Variants in OR2T10 observed in about 807,000 individuals in gnomAD.
The protein encoded by OR2T10 is olfactory receptor 2T10.
For missense variants in OR2T10, 335 were observed against 382.5 expected (o/e 0.88, Z 1.04); for synonymous variants, 125 against 141.8 (o/e 0.88, Z 0.84).
At chr1:248,596,365 T>C (rs1004680974) in intron 1 of OR2T10, among the ~76,000 whole-genome samples, 2 of 142,816 alleles carry the variant, frequency 1.4e-5, no homozygotes, top group African/African-American at 5.5e-5. Context: ...GTTGAACAGG[T>C]GGTTTACAAT....
At position 248,593,673 on chromosome 1, in the gene OR2T10, G is replaced by A. The variant is rs753606120; in HGVS notation, c.96C>T (p.Phe32=). 3.2e-6 allele frequency: 5 copies of A among 1,560,322 alleles called. No homozygotes were observed. In the African/African-American group the frequency reaches 4.6e-5, roughly 14 times the overall value. The change falls in exon 2 of 2, where the codon TTC becomes TTT. Residue 32 remains phenylalanine (F), a synonymous_variant. Transcript: ENST00000642090. The part of the protein sequence containing the change: ...SHPGRLCLLI[F]SIFLMAVSWN... ...AAGACACAGCCATCAAAAATATACT[G>A]AAGATAAGCAAGCAGAGGCGGCCAG...
In OR2T10 at chr1:248,592,005, T is replaced by A. The variant is rs1406905575; in HGVS notation, c.*825A>T. The A allele has an allele frequency of 2.1e-5, 3 of 144,180 alleles. No individual in the cohort carries two copies. The highest frequency in any genetic ancestry group is 4.5e-5 in the Non-Finnish European group (3 of 66,446). The allele number at this position is 144,180 out of a possible 1,614,324, so 8.9% of individuals were successfully genotyped here. ...AAAACTGTGATTTGAAATTATATTC[T>A]AAGTATGTGTCACCATTGGCTTGAA... On this transcript the variant is annotated 3_prime_UTR_variant, in exon 2 of 2. Coordinates refer to ENST00000642090, the MANE Select transcript of OR2T10 (RefSeq NM_001004693.2).
chr1:248,595,234 G>T (rs1306607795), intron 1 of OR2T10, among the ~76,000 whole-genome samples: 1 of 143,038 alleles, frequency 7.0e-6, no homozygotes, highest in East Asian at 2.0e-4. Flanking sequence ...TAAAGAAAAT[G>T]CATATCCTTT....
Position 248,596,480 on chromosome 1 carries a change from C to T in OR2T10, c.-29+1012G>A, listed in dbSNP as rs2103089615. Among the ~76,000 whole-genome samples the T allele has an allele frequency of 1.4e-5, 2 of 142,958 alleles. 1 individual carries two copies. The highest frequency in any genetic ancestry group is 5.5e-5 in the African/African-American group (2 of 36,224). 93.8% of individuals were successfully genotyped at this position (142,958 alleles called of 152,430 possible). A position where few individuals can be genotyped will look rare whatever the true frequency, so the allele number is the denominator to read the frequency against. ...AAAAGTGAGAGTGGATATTGCATTT[C>T]TTGGCCATGTAGTTCAAGCTACCGT... On this transcript the variant is annotated intron_variant, in intron 1 of 1. Coordinates refer to ENST00000642090, the MANE Select transcript of OR2T10 (RefSeq NM_001004693.2).
Position 248,592,607 on chromosome 1 carries a change from G to A in OR2T10, c.*223C>T. ...CTGTAATCTAAAAAAAGGACCATTGGCCCCGAAGGACTGGACTAGAGATCA... is the reference window on the plus strand; with the variant it reads ...CTGTAATCTAAAAAAAGGACCATTGACCCCGAAGGACTGGACTAGAGATCA... On this transcript the variant is annotated 3_prime_UTR_variant, in exon 2 of 2. Coordinates refer to ENST00000642090, the MANE Select transcript of OR2T10 (RefSeq NM_001004693.2). 2.6e-6 allele frequency: 1 copy of A among 384,940 alleles called. No homozygotes were observed. The highest frequency in any genetic ancestry group is 4.6e-6 in the Non-Finnish European group (1 of 217,696). The allele number at this position is 384,940 out of a possible 1,614,324, so 23.8% of individuals were successfully genotyped here. A position where few individuals can be genotyped will look rare whatever the true frequency, so the allele number is the denominator to read the frequency against.
At position 248,593,731 on chromosome 1, in the gene OR2T10, A is replaced by C. The variant is rs530072043; in HGVS notation, c.38T>G (p.Phe13Cys). The change falls in exon 2 of 2, where the codon TTC (phenylalanine) becomes TGC (cysteine). Residue 13 changes from phenylalanine (F) to cysteine (C), a missense_variant. Transcript: ENST00000642090. ...LANQTLGGDF[F>C]LLGIFSQISH... ...GATCTGGCTGAAGATTCCCAACAGGAAAAAGTCACCACCCAGGGTCTGGTT... is the reference window on the plus strand; with the variant it reads ...GATCTGGCTGAAGATTCCCAACAGGCAAAAGTCACCACCCAGGGTCTGGTT... 124 of 1,564,872 alleles carry C rather than the reference A, an allele frequency of 7.9e-5. 15 individuals are homozygous for C. The South Asian group carries it at 8.9e-4, about 11-fold the overall frequency.
At position 248,592,557 on chromosome 1, in the gene OR2T10, A is replaced by G. The variant is rs1174741968; in HGVS notation, c.*273T>C. On this transcript the variant is annotated 3_prime_UTR_variant, in exon 2 of 2. Coordinates refer to ENST00000642090, the MANE Select transcript of OR2T10 (RefSeq NM_001004693.2). ...GGTGGAAGGTGCTCAAGGGTCATAA[A>G]CACATTTATTTTCATATTTCTCCAC... is the stretch of plus-strand genomic sequence containing the variant. 1 of 297,548 alleles carries G rather than the reference A, an allele frequency of 3.4e-6. No individual in the cohort carries two copies. Among genetic ancestry groups the G allele is most frequent in the Non-Finnish European group, 6.2e-6 (1 of 162,582 alleles). The allele number at this position is 297,548 out of a possible 1,614,324, so 18.4% of individuals were successfully genotyped here. A position where few individuals can be genotyped will look rare whatever the true frequency, so the allele number is the denominator to read the frequency against.
rs1313746100 is a variant in OR2T10, at chr1:248,593,680, A to G, written c.89T>C (p.Leu30Pro). The change falls in exon 2 of 2, where the codon CTT becomes CCT. Residue 30 changes from leucine (L) to proline (P), a missense_variant. Coordinates refer to ENST00000642090, the MANE Select transcript of OR2T10 (RefSeq NM_001004693.2). ...QISHPGRLCL[L>P]IFSIFLMAVS... is the part of the protein sequence containing the mutation. ...AGCCATCAAAAATATACTGAAGATA[A>G]GCAAGCAGAGGCGGCCAGGGTGTGA... The G allele has an allele frequency of 2.6e-6, 4 of 1,561,692 alleles. No individual in the cohort carries two copies. The highest frequency in any genetic ancestry group is 2.6e-6 in the Non-Finnish European group (3 of 1,149,434).
Position 248,593,709 on chromosome 1 carries a change from C to T in OR2T10, c.60G>A (p.Gln20=). The change falls in exon 2 of 2, where the codon CAG becomes CAA. Residue 20 remains glutamine, a synonymous_variant. Transcript: ENST00000642090. ...GDFFLLGIFS[Q]ISHPGRLCLL... ...AGCAGAGGCGGCCAGGGTGTGAGATCTGGCTGAAGATTCCCAACAGGAAAA... is the reference window on the plus strand; with the variant it reads ...AGCAGAGGCGGCCAGGGTGTGAGATTTGGCTGAAGATTCCCAACAGGAAAA... The T allele has an allele frequency of 6.4e-7, 1 of 1,566,432 alleles. No homozygotes were observed. The highest frequency in any genetic ancestry group is 8.7e-7 in the Non-Finnish European group (1 of 1,153,414).
At chr1:248,597,167 CTT>C (rs1660104518) in intron 1 of OR2T10, among the ~76,000 whole-genome samples, 1 of 142,916 alleles carries the variant, frequency 7.0e-6, no homozygotes, top group South Asian at 2.2e-4. Context: ...TCACCTAAAA[CTT>C]TTGAGTATCT....
chr1:248,593,102 G>C lies in OR2T10; in HGVS notation c.667C>G (p.Leu223Val). 6.4e-7 allele frequency: 1 copy of C among 1,572,734 alleles called. No homozygotes were observed. Among genetic ancestry groups the C allele is most frequent in the Non-Finnish European group, 8.6e-7 (1 of 1,156,602 alleles). Residue 223 changes from leucine to valine, a missense_variant, in exon 2 of 2, where the codon CTC (leucine) becomes GTC (valine). Physicochemically the swap from Leu to Val is conservative, Grantham distance 32. Coordinates refer to ENST00000642090, the MANE Select transcript of OR2T10 (RefSeq NM_001004693.2). ...VISVSYYYII[L>V]TIHKMNSVEG... ...ACTGAGTTCATCTTATGGATGGTGA[G>C]GATGATATAGTAGTAAGACACTGAA...
In OR2T10 at chr1:248,591,271, T is replaced by C. The variant is rs1051281597; in HGVS notation, c.*1559A>G. 6.3e-5 allele frequency: 9 copies of C among 143,328 alleles called. 1 individual carries two copies. Among genetic ancestry groups the C allele is most frequent in the African/African-American group, 2.5e-4 (9 of 36,370 alleles). 8.9% of individuals were successfully genotyped at this position (143,328 alleles called of 1,614,324 possible). A position where few individuals can be genotyped will look rare whatever the true frequency, so the allele number is the denominator to read the frequency against. The stretch of plus-strand genomic sequence containing the variant: ...AAATCCCTACATAAAACGTGACCCC[T>C]ACACACTCCAAGACCCCTCTCCTGC... On this transcript the variant is annotated 3_prime_UTR_variant, in exon 2 of 2. Coordinates refer to ENST00000642090, the MANE Select transcript of OR2T10 (RefSeq NM_001004693.2).
rs773297333 is a variant in OR2T10, at chr1:248,593,630, G to C, written c.139C>G (p.Leu47Val). 5.1e-6 allele frequency: 8 copies of C among 1,562,024 alleles called. 3 individuals are homozygous for C. The African/African-American group carries it at 7.7e-5, about 15-fold the overall frequency. Residue 47 changes from leucine to valine, a missense_variant, in exon 2 of 2, where the codon CTT becomes GTT. Physicochemically the swap from Leu to Val is conservative, Grantham distance 32. Transcript: ENST00000642090. ...AGAGAGGAGTCAATGTGGATCAGAA[G>C]TATCAATGTAATATTCCAAGACACA... ...MAVSWNITLI[L>V]LIHIDSSLHT...
rs761729778 is a variant in OR2T10 at position 248,592,953 on chromosome 1, CAT to C, written c.814_815del (p.Met272AspfsTer23). On this transcript the variant is annotated frameshift_variant, in exon 2 of 2. Coordinates refer to ENST00000642090, the MANE Select transcript of OR2T10 (RefSeq NM_001004693.2). LOFTEE classifies it low-confidence loss of function (END_TRUNC). ...GGATAGTGTAGAAAAAGGATGACAT[CAT>C]ATCTTTCTCAGGAGTTTGGTAGGAG... is the stretch of plus-strand genomic sequence containing the variant. ...PSSYQTPEKD[M>X]MSSFFYTILT... 16 of 1,567,698 alleles carry C rather than the reference CAT, an allele frequency of 1.0e-5. 1 individual carries two copies. The South Asian group carries it at 1.8e-4, about 18-fold the overall frequency.
chr1:248,591,970 G>T lies in OR2T10; in HGVS notation c.*860C>A, dbSNP rs1236936500. Reference sequence around the variant, plus strand: ...ATTTGTTAAATACAAATACAACCATGCACATACGTAAAACTGTGATTTGAA... The same window carrying T: ...ATTTGTTAAATACAAATACAACCATTCACATACGTAAAACTGTGATTTGAA... On this transcript the variant is annotated 3_prime_UTR_variant, in exon 2 of 2. Coordinates refer to ENST00000642090, the MANE Select transcript of OR2T10 (RefSeq NM_001004693.2). The T allele has an allele frequency of 2.8e-5, 4 of 144,200 alleles. No individual in the cohort carries two copies. In the East Asian group the frequency reaches 8.0e-4, roughly 29 times the overall value. The allele number at this position is 144,200 out of a possible 1,614,324, so 8.9% of individuals were successfully genotyped here. A position where few individuals can be genotyped will look rare whatever the true frequency, so the allele number is the denominator to read the frequency against.
At chr1:248,596,190 T>G (rs1660087697) in intron 1 of OR2T10, among the ~76,000 whole-genome samples, 1 of 143,094 alleles carries the variant, frequency 7.0e-6, no homozygotes, top group South Asian at 2.2e-4. Context: ...TTCCACAATT[T>G]ATAGGAGATA....
Position 248,592,692 on chromosome 1 carries a change from A to G in OR2T10, c.*138T>C. ...ATCTCAAGTGTGATTATAGGAGGGA[A>G]GAACACTGGGCTGAATCCCCCTGAA... On this transcript the variant is annotated 3_prime_UTR_variant, in exon 2 of 2. Coordinates refer to ENST00000642090, the MANE Select transcript of OR2T10 (RefSeq NM_001004693.2). The G allele has an allele frequency of 1.8e-6, 1 of 553,694 alleles. No homozygotes were observed. The highest frequency in any genetic ancestry group is 3.2e-6 in the Non-Finnish European group (1 of 315,534). 34.3% of individuals were successfully genotyped at this position (553,694 alleles called of 1,614,324 possible).
rs1660047604 is a variant in OR2T10, at chr1:248,593,581, A to G, written c.188T>C (p.Ile63Thr). 1.3e-6 allele frequency: 2 copies of G among 1,567,612 alleles called. No individual in the cohort carries two copies. Among genetic ancestry groups the G allele is most frequent in the Admixed American group, 1.7e-5 (1 of 58,182 alleles). Reference protein sequence around the residue: ...SSLHTPMYFFINQLSLIDLTY... With the variant: ...SSLHTPMYFFTNQLSLIDLTY... ...CAAGTCTATGAGTGAGAGCTGGTTT[A>G]TAAAGAAGTACATGGGAGTATGCAG... The change falls in exon 2 of 2, where the codon ATA (isoleucine) becomes ACA (threonine). Residue 63 changes from isoleucine (I) to threonine (T), a missense_variant. Coordinates refer to ENST00000642090, the MANE Select transcript of OR2T10 (RefSeq NM_001004693.2).
chr1:248,596,343 G>T (rs1439519049), intron 1 of OR2T10, among the ~76,000 whole-genome samples: 1 of 143,006 alleles, frequency 7.0e-6, no homozygotes, highest in Non-Finnish European at 1.5e-5. Flanking sequence ...ATGTAAGGAG[G>T]CCCCTTCCCA....
Sources: gnomAD v4.1 joint callset for allele counts (sites outside exome capture counted in the v4.1 genomes callset) on GRCh38, gnomAD v4.1.1 for gene constraint, MANE v1.5 for transcripts, NCBI Gene and HGNC (gene_info 2026-07-23, HGNC 2026-07-21) for gene names.